The following ARID4A variants were observed in gnomAD, a reference collection of about 807,000 sequenced individuals.
ARID4A encodes the protein AT-rich interaction domain 4A.
In ARID4A, 39 loss-of-function variants were observed where a neutral mutation model predicts 148.6. That is an observed-to-expected ratio of 0.26 (90% confidence interval 0.20 to 0.34). The LOEUF (loss-of-function observed/expected upper bound fraction) is 0.34. Among genes scored for constraint, ARID4A ranks in the 10% least tolerant of loss-of-function variants. The pLI, the probability that ARID4A is intolerant of heterozygous loss-of-function variation, is 1.00. For missense variants in ARID4A, 1,265 were observed against 1,449.1 expected (o/e 0.87, Z 2.06); for synonymous variants, 475 against 481.2 (o/e 0.99, Z 0.17).
chr14:58,301,616 G>A lies in ARID4A; in HGVS notation c.43G>A (p.Asp15Asn), dbSNP rs1180580215. 3.7e-6 allele frequency: 6 copies of A among 1,614,044 alleles called. No homozygotes were observed. The highest frequency in any genetic ancestry group is 1.3e-5 in the African/African-American group (1 of 75,046). Residue 15 changes from aspartate to asparagine, a missense_variant, in exon 3 of 24, where the codon GAT becomes AAT. Coordinates refer to ENST00000355431, the MANE Select transcript of ARID4A (RefSeq NM_002892.4). ...GCCTGCCTACCTGACAGTGGGAACC[G>A]ATGTCAGTGCCAAGTACCGAGGTGC... The part of the protein sequence containing the change: ...DEPAYLTVGT[D>N]VSAKYRGAFC...
chr14:58,302,810 A>G (rs1270959965), intron 3 of ARID4A, among the ~76,000 whole-genome samples: 2 of 151,908 alleles, frequency 1.3e-5, no homozygotes, highest in Non-Finnish European at 2.9e-5. Context: ...GATAAAAAGT[A>G]TTAGCCAGGT....
At chr14:58,370,631 TGGG>T (rs1023672145) in intron 23 of ARID4A, among the ~76,000 whole-genome samples, 3 of 150,950 alleles carry the variant, frequency 2.0e-5, no homozygotes. Flanking sequence ...TTTTTGTTGT[TGGG>T]GGGTACAGGC....
intron 5 of ARID4A, among the ~76,000 whole-genome samples, chr14:58,306,771 C>T (rs1216310148): frequency 2.0e-5 from 3 of 152,180 alleles, no homozygotes; most frequent in Non-Finnish European, 4.4e-5. Flanking sequence ...CCCAGCTACT[C>T]TGGAGGCTGA....
intron 5 of ARID4A, among the ~76,000 whole-genome samples, chr14:58,317,665 T>C (rs1026871054): frequency 2.5e-5 from 3 of 121,742 alleles, no homozygotes; most frequent in African/African-American, 9.2e-5. Context: ...GAATCTTGGT[T>C]TTGCTGTCAC....
chr14:58,305,137 T>C, intron 4 of ARID4A, 128 bp downstream of exon 4: 1 of 706,584 alleles, frequency 1.4e-6, no homozygotes, highest in Non-Finnish European at 2.3e-6. Flanking sequence ...ATATGAAGGG[T>C]TTAAATATAA....
At chr14:58,349,434 C>T (rs181451189) in intron 15 of ARID4A, among the ~76,000 whole-genome samples, 5 of 150,760 alleles carry the variant, frequency 3.3e-5, no homozygotes, top group Non-Finnish European at 7.4e-5. Context: ...ATCTCGAGAT[C>T]AGGAGATCGA....
chr14:58,307,994 T>C (rs2031740013), intron 5 of ARID4A, among the ~76,000 whole-genome samples: 1 of 70,348 alleles, frequency 1.4e-5, no homozygotes, highest in Admixed American at 1.3e-4. Context: ...ACTATAAAGG[T>C]TGTACTCACT....
intron 7 of ARID4A, among the ~76,000 whole-genome samples, chr14:58,320,834 C>G (rs1056776060): frequency 6.6e-6 from 1 of 152,096 alleles, no homozygotes; most frequent in African/African-American, 2.4e-5. Context: ...GTCTCGATCT[C>G]CTGACCTCGT....
chr14:58,330,039 T>C lies in ARID4A; in HGVS notation c.776T>C (p.Val259Ala). The change falls in exon 11 of 24, where the codon GTT becomes GCT. Residue 259 changes from valine to alanine, a missense_variant. This residue lies in a region of ARID4A where 249 missense variants were observed against 277.2 expected (regional missense o/e 0.90). Coordinates refer to ENST00000355431, the MANE Select transcript of ARID4A (RefSeq NM_002892.4). Reference protein sequence around the residue: ...QKASIFLKTRVVPDNWKMDIS... With the variant: ...QKASIFLKTRAVPDNWKMDIS... ...GCAAGCATCTTCTTAAAAACTAGAGTTGTTCCTGATAATTGGAAAATGGAT... is the reference window on the plus strand; with the variant it reads ...GCAAGCATCTTCTTAAAAACTAGAGCTGTTCCTGATAATTGGAAAATGGAT... 6.2e-7 allele frequency: 1 copy of C among 1,611,648 alleles called. No individual in the cohort carries two copies. Among genetic ancestry groups the C allele is most frequent in the Non-Finnish European group, 8.5e-7 (1 of 1,179,438 alleles).
chr14:58,300,824 A>G (rs2031097502), intron 2 of ARID4A, among the ~76,000 whole-genome samples: 1 of 151,782 alleles, frequency 6.6e-6, no homozygotes, highest in Non-Finnish European at 1.5e-5. Flanking sequence ...AAAAAAAGGT[A>G]AAATGACAGA....
intron 19 of ARID4A, among the ~76,000 whole-genome samples, chr14:58,362,190 T>C (rs1407724565): frequency 6.6e-6 from 1 of 152,190 alleles, no homozygotes; most frequent in Non-Finnish European, 1.5e-5. Context: ...GAACACAGAC[T>C]ACTGTGGTGC....
rs1207576249 is a variant in ARID4A at position 58,364,950 on chromosome 14, C to T, written c.2861C>T (p.Pro954Leu). The change falls in exon 20 of 24, where the codon CCT (proline) becomes CTT (leucine). Residue 954 changes from proline to leucine, a missense_variant. Pro to Leu is a moderately conservative substitution (Grantham distance 98). Around this residue, in one of 9 missense-constraint regions of ARID4A, gnomAD observed 666 missense variants for 730.9 expected, o/e 0.91. Coordinates refer to ENST00000355431, the MANE Select transcript of ARID4A (RefSeq NM_002892.4). ...GAGGATGCAATGCCTCTGATCGGGC[C>T]TGAAACCTTGGTTTGCCATGAAGTA... ...EDEDAMPLIG[P>L]ETLVCHEVDL... The T allele has an allele frequency of 1.9e-6, 3 of 1,614,108 alleles. No individual in the cohort carries two copies. Among genetic ancestry groups the T allele is most frequent in the Non-Finnish European group, 2.5e-6 (3 of 1,180,002 alleles).
chr14:58,358,082 G>A (rs1160054261), intron 17 of ARID4A, among the ~76,000 whole-genome samples: 1 of 151,998 alleles, frequency 6.6e-6, no homozygotes, highest in Non-Finnish European at 1.5e-5. Context: ...TACATCCGTG[G>A]TCTCAGCTAC....
intron 11 of ARID4A, among the ~76,000 whole-genome samples, chr14:58,339,977 C>T (rs934866740): frequency 2.0e-5 from 3 of 152,064 alleles, no homozygotes; most frequent in Admixed American, 6.5e-5. Flanking sequence ...CCCCATGATC[C>T]AATCACCTCC....
rs775983032 is a variant in ARID4A at position 58,330,098 on chromosome 14, G to A, written c.835G>A (p.Asp279Asn). ...SEILESSSSD[D>N]EDGPAEENDE... Reference sequence around the variant, plus strand: ...AATCCTTGAGTCATCCAGTAGTGATGATGAAGATGGCCCAGCTGAAGAAAA... The same window carrying A: ...AATCCTTGAGTCATCCAGTAGTGATAATGAAGATGGCCCAGCTGAAGAAAA... The change falls in exon 11 of 24, where the codon GAT (aspartate) becomes AAT (asparagine). Residue 279 changes from aspartate to asparagine, a missense_variant. Physicochemically the swap from Asp to Asn is conservative, Grantham distance 23 (BLOSUM62 1). Transcript: ENST00000355431. 1.2e-6 allele frequency: 2 copies of A among 1,613,506 alleles called. No homozygotes were observed. The highest frequency in any genetic ancestry group is 1.1e-5 in the South Asian group (1 of 90,974).
chr14:58,348,832 A>T (rs879761590), intron 15 of ARID4A, among the ~76,000 whole-genome samples: 1 of 151,676 alleles, frequency 6.6e-6, no homozygotes, highest in Non-Finnish European at 1.5e-5. Context: ...GTTTTTTTTT[A>T]ATTTTTTTTA....
intron 2 of ARID4A, among the ~76,000 whole-genome samples, chr14:58,300,605 T>C (rs1021045347): frequency 1.6e-4 from 25 of 152,222 alleles, no homozygotes; most frequent in African/African-American, 6.0e-4. Context: ...CTCTGAAATA[T>C]AGCATTTTCC....
chr14:58,330,144 A>G lies in ARID4A; in HGVS notation c.881A>G (p.Glu294Gly). 1.2e-6 allele frequency: 2 copies of G among 1,612,532 alleles called. No homozygotes were observed. The highest frequency in any genetic ancestry group is 1.7e-6 in the Non-Finnish European group (2 of 1,179,604). ...AEENDEEKEK[E>G]AKKTEEEVPE... ...GAAAATGATGAAGAGAAGGAAAAGG[A>G]GGCCAAAAAGACAGAAGAAGAGGTG... Residue 294 changes from glutamate (E) to glycine (G), a missense_variant, in exon 11 of 24, where the codon GAG (glutamate) becomes GGG (glycine). Transcript: ENST00000355431.
chr14:58,316,148 T>C (rs890735732), intron 5 of ARID4A, among the ~76,000 whole-genome samples: 1 of 152,244 alleles, frequency 6.6e-6, no homozygotes, highest in Admixed American at 6.5e-5. Context: ...TATAATTTCA[T>C]AGGTAACCAA....
Sources: gnomAD v4.1 joint callset for allele counts (sites outside exome capture counted in the v4.1 genomes callset) on GRCh38, gnomAD v4.1.1 for gene constraint, gnomAD v4.1.1 regional missense constraint, MANE v1.5 for transcripts, NCBI Gene and HGNC (gene_info 2026-07-23, HGNC 2026-07-21) for gene names.